The following IP6K1 variants were observed in gnomAD, a reference collection of about 807,000 sequenced individuals.
IP6K1 encodes the protein inositol hexakisphosphate kinase 1.
In IP6K1, 13 loss-of-function variants were observed where a neutral mutation model predicts 38.3. The observed-to-expected ratio is 0.34, with a 90% CI of 0.22 to 0.54. The LOEUF is 0.54. IP6K1 is among the 20% of genes least tolerant of loss of function. The pLI, the probability that IP6K1 is intolerant of heterozygous loss-of-function variation, is 0.92. For missense variants in IP6K1, 397 were observed against 599.8 expected (o/e 0.66, Z 3.53); for synonymous variants, 212 against 229.9 (o/e 0.92, Z 0.70).
intron 1 of IP6K1, chr3:49,775,437 T>C: frequency 2.1e-6 from 1 of 470,274 alleles, no homozygotes; most frequent in East Asian, 4.4e-5. Flanking sequence ...TAACTACGTA[T>C]CTTAGCAGGG....
At chr3:49,750,889 TAAA>T (rs2080768769) in intron 1 of IP6K1, among the ~76,000 whole-genome samples, 1 of 152,042 alleles carries the variant, frequency 6.6e-6, no homozygotes, top group Non-Finnish European at 1.5e-5. Context: ...CTCCTAAGAG[TAAA>T]TATACCACAT....
At chr3:49,779,235 C>T (rs191166026) in intron 1 of IP6K1, among the ~76,000 whole-genome samples, 1 of 152,238 alleles carries the variant, frequency 6.6e-6, no homozygotes, top group East Asian at 1.9e-4. Context: ...TAAATGTGAA[C>T]TTTTGTATCT....
At chr3:49,746,353 A>G (rs2080720602) in intron 2 of IP6K1, among the ~76,000 whole-genome samples, 1 of 148,800 alleles carries the variant, frequency 6.7e-6, no homozygotes. Context: ...ATACACTTAC[A>G]ATTAAATATT....
intron 1 of IP6K1, among the ~76,000 whole-genome samples, chr3:49,753,664 A>G (rs925215472): frequency 9.9e-5 from 15 of 152,232 alleles, no homozygotes; most frequent in Admixed American, 4.6e-4. Flanking sequence ...AATATATAAC[A>G]TATGAAAAAG....
At chr3:49,741,367 C>T (rs1294928724) in intron 2 of IP6K1, among the ~76,000 whole-genome samples, 2 of 152,068 alleles carry the variant, frequency 1.3e-5, no homozygotes, top group African/African-American at 4.8e-5. Flanking sequence ...AAATAAGATA[C>T]CTGGTATGAA....
intron 4 of IP6K1, among the ~76,000 whole-genome samples, chr3:49,731,054 G>A (rs2080557682): frequency 6.6e-6 from 1 of 151,254 alleles, no homozygotes; most frequent in African/African-American, 2.4e-5. Context: ...GAATGAGAGA[G>A]AGAGATCTCG....
intron 4 of IP6K1, among the ~76,000 whole-genome samples, chr3:49,731,892 A>AAAAAAAAAAAAAAAAAAAAC (rs2080565721): frequency 6.8e-6 from 1 of 147,768 alleles, no homozygotes; most frequent in Non-Finnish European, 1.5e-5. Flanking sequence ...TGTCTCAAAA[A>AAAAAAAAAAAAAAAAAAAAC]AAAAAAAAAA....
chr3:49,737,654 C>A (rs1476495169), intron 3 of IP6K1, among the ~76,000 whole-genome samples: 2 of 152,140 alleles, frequency 1.3e-5, no homozygotes, highest in East Asian at 3.9e-4. Flanking sequence ...CCACTGCATT[C>A]CAGCCTAACA....
chr3:49,759,966 G>A (rs368688241), intron 1 of IP6K1, among the ~76,000 whole-genome samples: 2 of 152,148 alleles, frequency 1.3e-5, no homozygotes, highest in African/African-American at 2.4e-5. Flanking sequence ...GCAGTGGCAC[G>A]ATCACGGGTT....
chr3:49,760,239 T>G (rs964436591), intron 1 of IP6K1, among the ~76,000 whole-genome samples: 4 of 152,176 alleles, frequency 2.6e-5, no homozygotes, highest in Non-Finnish European at 5.9e-5. Context: ...AAAGCACTTC[T>G]GTCCACCTCA....
chr3:49,783,870 C>T (rs918287906), intron 1 of IP6K1, among the ~76,000 whole-genome samples: 2 of 152,112 alleles, frequency 1.3e-5, no homozygotes, highest in Non-Finnish European at 2.9e-5. Flanking sequence ...GACTACTCAA[C>T]TTCTCCCTTG....
At chr3:49,781,960 G>A (rs569234157) in intron 1 of IP6K1, among the ~76,000 whole-genome samples, 1 of 151,988 alleles carries the variant, frequency 6.6e-6, no homozygotes, top group South Asian at 2.1e-4. Context: ...GAGCACAGTT[G>A]TGCCCACCTG....
At chr3:49,786,030 G>A (rs2081109831) in intron 1 of IP6K1, 2 of 152,404 alleles carry the variant, frequency 1.3e-5, no homozygotes, top group African/African-American at 2.4e-5. Context: ...ATAACTCCCA[G>A]GAGAGCATCA....
In IP6K1 at chr3:49,727,194, T is replaced by C. The variant is rs762303590; in HGVS notation, c.1254A>G (p.Pro418=). 3.7e-6 allele frequency: 6 copies of C among 1,614,148 alleles called. No individual in the cohort carries two copies. Among genetic ancestry groups the C allele is most frequent in the Non-Finnish European group, 5.1e-6 (6 of 1,180,026 alleles). The change falls in exon 6 of 6, where the codon CCA becomes CCG. Residue 418 remains proline, a synonymous_variant. Coordinates refer to ENST00000321599, the MANE Select transcript of IP6K1 (RefSeq NM_153273.4). This position sits in a 1 kb window ranked among gnomAD's most constrained non-coding sequence, Gnocchi z 5.9. ...CCAGGCCAAACACGTAGCCTCTGTC[T>C]GGCCCATCATGCACGGTGGGGTCAT... ...FRDDPTVHDG[P]DRGYVFGLEN...
chr3:49,733,445 A>G (rs969808438), intron 3 of IP6K1, among the ~76,000 whole-genome samples: 38 of 152,214 alleles, frequency 2.5e-4, no homozygotes, highest in African/African-American at 8.9e-4. Flanking sequence ...AAGGATCCAA[A>G]CAGACACTTT....
At chr3:49,775,649 G>T in intron 1 of IP6K1, 1 of 678,262 alleles carries the variant, frequency 1.5e-6, no homozygotes. Flanking sequence ...ACAACATCAA[G>T]CTGCTGCAGC....
intron 3 of IP6K1, among the ~76,000 whole-genome samples, chr3:49,737,887 G>A (rs1019094666): frequency 5.3e-5 from 8 of 152,156 alleles, no homozygotes; most frequent in Non-Finnish European, 1.0e-4. Context: ...GCCTCGCTAC[G>A]AACTAATGTA....
chr3:49,773,336 C>A (rs1472466028), intron 1 of IP6K1, among the ~76,000 whole-genome samples: 1 of 152,230 alleles, frequency 6.6e-6, no homozygotes, highest in East Asian at 1.9e-4. Context: ...ACTGGCCGGG[C>A]GCGGTGGCTC....
At chr3:49,773,980 A>AACACACACACACAC (rs10575617) in intron 1 of IP6K1, among the ~76,000 whole-genome samples, 2 of 142,178 alleles carry the variant, frequency 1.4e-5, no homozygotes, top group East Asian at 2.0e-4. Flanking sequence ...CTCTCTCTAA[A>AACACACACACACAC]ACACACACAC....
Sources: allele counts gnomAD v4.1 joint callset (sites outside exome capture counted in the v4.1 genomes callset), GRCh38; gene constraint gnomAD v4.1.1; non-coding constraint Gnocchi (gnomAD v3.1); transcripts MANE v1.5; gene names NCBI Gene and HGNC (gene_info 2026-07-23, HGNC 2026-07-21).